Variants in ARHGAP21 observed in about 807,000 individuals in gnomAD.
ARHGAP21 encodes the protein Rho GTPase activating protein 21.
In ARHGAP21, 38 loss-of-function variants were observed where a neutral mutation model predicts 164.6. The observed-to-expected ratio is 0.23, with a 90% CI of 0.18 to 0.30. ARHGAP21 has a LOEUF of 0.30. ARHGAP21 is among the 10% of genes least tolerant of loss of function. The pLI is 1.00. For missense variants in ARHGAP21, 1,822 were observed against 2,370.7 expected (o/e 0.77, Z 4.81); for synonymous variants, 766 against 857.9 (o/e 0.89, Z 1.87).
rs565904340 is a variant in ARHGAP21, at chr10:24,612,716, G to A, written c.2423-4813C>T. On this transcript the variant is annotated intron_variant, in intron 9 of 25. Transcript: ENST00000396432. Reference sequence around the variant, plus strand: ...AAAAATACAAAAAAATTAGCCAGGTGTGGTGGCGGACGCCTATAGTCCCAG... The same window carrying A: ...AAAAATACAAAAAAATTAGCCAGGTATGGTGGCGGACGCCTATAGTCCCAG... Among the ~76,000 whole-genome samples the A allele has an allele frequency of 2.0e-4, 30 of 152,242 alleles. No individual in the cohort carries two copies. In the South Asian group the frequency reaches 2.9e-3, roughly 15 times the overall value.
At chr10:24,701,711 T>A (rs1843688469) in intron 2 of ARHGAP21, among the ~76,000 whole-genome samples, 1 of 152,156 alleles carries the variant, frequency 6.6e-6, no homozygotes, top group Admixed American at 6.5e-5. Flanking sequence ...GAACAAAATC[T>A]CTTCAGGCCC....
chr10:24,706,034 CAA>C (rs1302935204), intron 2 of ARHGAP21, among the ~76,000 whole-genome samples: 2 of 152,080 alleles, frequency 1.3e-5, no homozygotes, highest in African/African-American at 4.8e-5. Flanking sequence ...GACTAGTAAT[CAA>C]AAAAGTTTTA....
At chr10:24,678,106 G>GA (rs199751997) in intron 2 of ARHGAP21, among the ~76,000 whole-genome samples, 24 of 142,458 alleles carry the variant, frequency 1.7e-4, no homozygotes, top group Admixed American at 2.1e-4. Flanking sequence ...CCACAAAAAG[G>GA]AAAAAAAAAA....
chr10:24,586,139 A>C (rs368269802), intron 25 of ARHGAP21, 33 bp from the exon 26 acceptor site: 1 of 1,530,528 alleles, frequency 6.5e-7, no homozygotes, highest in African/African-American at 1.4e-5. Flanking sequence ...GACTCTGAGC[A>C]TAAGAATGCA....
chr10:24,622,873 T>C (rs893756093), intron 7 of ARHGAP21, 111 bp from the exon 8 acceptor site: 2 of 1,061,692 alleles, frequency 1.9e-6, no homozygotes, highest in Non-Finnish European at 2.7e-6. Flanking sequence ...TATACTTGTT[T>C]CTCTGGAAGG....
chr10:24,619,271 T>TA (rs375757415), intron 9 of ARHGAP21, among the ~76,000 whole-genome samples: 4,884 of 151,384 alleles, frequency 0.032, 260 homozygotes, highest in African/African-American at 0.11. Context: ...GTTTTTTTTT[T>TA]AAAAAAAGGA....
intron 4 of ARHGAP21, among the ~76,000 whole-genome samples, chr10:24,639,263 A>C (rs918038709): frequency 6.6e-6 from 1 of 152,150 alleles, no homozygotes; most frequent in Admixed American, 6.5e-5. Context: ...AGTTTAATTG[A>C]GCATTCTGTA....
chr10:24,653,453 A>G (rs543977250), intron 4 of ARHGAP21, among the ~76,000 whole-genome samples: 1 of 152,214 alleles, frequency 6.6e-6, no homozygotes, highest in Admixed American at 6.5e-5. Flanking sequence ...GCGGGCGCCT[A>G]TAGTCCCAGC....
Position 24,596,874 on chromosome 10 carries a change from T to G in ARHGAP21, c.3343A>C (p.Ser1115Arg). 1 of 1,598,780 alleles carries G rather than the reference T, an allele frequency of 6.3e-7. No individual in the cohort carries two copies. Among genetic ancestry groups the G allele is most frequent in the Non-Finnish European group, 8.5e-7 (1 of 1,176,282 alleles). Residue 1115 changes from serine to arginine, a missense_variant, in exon 17 of 26, where the codon AGT (serine) becomes CGT (arginine). Around this residue, in one of 5 missense-constraint regions of ARHGAP21, gnomAD observed 1,090 missense variants for 1,378.9 expected, o/e 0.79. Coordinates refer to ENST00000396432, the MANE Select transcript of ARHGAP21 (RefSeq NM_020824.4). ...ERKLLSKDDT[S>R]PPKDKGTWRK... ...CATGTGCCTTTGTCTTTTGGGGGAC[T>G]GGTATCATCTTTTGATTGCCAGTCA... is the stretch of plus-strand genomic sequence containing the variant.
chr10:24,594,596 CTGTT>C (rs2076496474), intron 21 of ARHGAP21, among the ~76,000 whole-genome samples: 1 of 141,440 alleles, frequency 7.1e-6, no homozygotes, highest in Non-Finnish European at 1.6e-5. Context: ...AATGACTTAT[CTGTT>C]TATGTCTGTT....
chr10:24,672,789 C>A (rs1019769885), intron 2 of ARHGAP21, among the ~76,000 whole-genome samples: 1 of 151,914 alleles, frequency 6.6e-6, no homozygotes, highest in South Asian at 2.1e-4. Flanking sequence ...CATTGCCCAG[C>A]CAAACTTGCA....
At chr10:24,601,699 GTTCCTTTTTAAATACTTAGAT>G (rs1592976113) in intron 13 of ARHGAP21, among the ~76,000 whole-genome samples, 1 of 152,212 alleles carries the variant, frequency 6.6e-6, no homozygotes, top group East Asian at 1.9e-4. Context: ...GAAAAGCAGA[GTTCCTTTTTAAATACTTAGAT>G]TTCCTTTTTA....
At chr10:24,707,291 A>C (rs1844333829) in intron 2 of ARHGAP21, among the ~76,000 whole-genome samples, 1 of 152,228 alleles carries the variant, frequency 6.6e-6, no homozygotes, top group Non-Finnish European at 1.5e-5. Context: ...ACATACCTTC[A>C]CGAGGTTTAA....
At chr10:24,591,453 G>T in intron 23 of ARHGAP21, 123 bp from the exon 24 acceptor site, 1 of 1,099,986 alleles carries the variant, frequency 9.1e-7, no homozygotes, top group Non-Finnish European at 1.3e-6. Context: ...TGTTTACATT[G>T]TTTACGCATA....
chr10:24,613,609 G>T (rs934890362), intron 9 of ARHGAP21, among the ~76,000 whole-genome samples: 2 of 152,320 alleles, frequency 1.3e-5, no homozygotes, highest in East Asian at 3.9e-4. Flanking sequence ...TTAGGAAGGG[G>T]AGAGTATTTT....
At chr10:24,681,897 G>C (rs1443733911) in intron 2 of ARHGAP21, among the ~76,000 whole-genome samples, 1 of 152,032 alleles carries the variant, frequency 6.6e-6, no homozygotes, top group Non-Finnish European at 1.5e-5. Flanking sequence ...TGGCATGCTT[G>C]GGGGGAAGGA....
intron 17 of ARHGAP21, 115 bp downstream of exon 17, chr10:24,596,625 G>T: frequency 6.9e-7 from 1 of 1,456,762 alleles, no homozygotes; most frequent in Non-Finnish European, 9.3e-7. Flanking sequence ...GGTCTGCTAT[G>T]AAAAGGAAAA....
At chr10:24,606,248 T>C (rs2077020166) in intron 11 of ARHGAP21, among the ~76,000 whole-genome samples, 1 of 152,016 alleles carries the variant, frequency 6.6e-6, no homozygotes, top group Non-Finnish European at 1.5e-5. Context: ...TATTTTTGCA[T>C]GGTTTAAAAA....
rs1466363840 is a variant in ARHGAP21 at position 24,622,735 on chromosome 10, G to C, written c.523C>G (p.Leu175Val). Residue 175 changes from leucine (L) to valine (V), a missense_variant and splice_region_variant, in exon 8 of 26, where the codon CTG becomes GTG. Transcript: ENST00000396432. ...AATGGCTACTGTGCATTTCTTACCAGTGCTGTGACATCCTTTGTAAACTGT... is the reference window on the plus strand; with the variant it reads ...AATGGCTACTGTGCATTTCTTACCACTGCTGTGACATCCTTTGTAAACTGT... ...VLQFTKDVTA[L>V]AYSQDAYLKG... 1 of 1,611,600 alleles carries C rather than the reference G, an allele frequency of 6.2e-7. No individual in the cohort carries two copies.
Sources: gnomAD v4.1 joint callset for allele counts (sites outside exome capture counted in the v4.1 genomes callset) on GRCh38, gnomAD v4.1.1 for gene constraint, gnomAD v4.1.1 regional missense constraint, MANE v1.5 for transcripts, NCBI Gene and HGNC (gene_info 2026-07-23, HGNC 2026-07-21) for gene names.